Variants in RUFY2 observed in about 807,000 individuals in gnomAD.
RUFY2 encodes the protein RUN and FYVE domain containing 2, also known as RUN and FYVE domain-containing protein 2.
RUFY2 carries 49 observed loss-of-function variants against 94.4 expected under a neutral mutation model. The observed-to-expected ratio is 0.52, with a 90% CI of 0.41 to 0.66. The LOEUF is 0.66. Ranked by LOEUF, RUFY2 falls within the 30% of genes least tolerant of loss-of-function variation. The pLI is 0.00. For missense variants in RUFY2, 541 were observed against 692.8 expected (o/e 0.78, Z 2.46); for synonymous variants, 255 against 235.7 (o/e 1.08, Z -0.75).
chr10:68,375,610 T>C (rs1336801005), intron 13 of RUFY2, among the ~76,000 whole-genome samples: 1 of 151,264 alleles, frequency 6.6e-6, no homozygotes, highest in Non-Finnish European at 1.5e-5. Flanking sequence ...CCATCTCTAC[T>C]AAAAATACAA....
chr10:68,396,709 T>C, intron 4 of RUFY2, 71 bp downstream of exon 4: 2 of 987,242 alleles, frequency 2.0e-6, no homozygotes, highest in Non-Finnish European at 3.1e-6. Flanking sequence ...ATATTACATC[T>C]TAAATCCTTT....
At chr10:68,381,807 C>T (rs985728667) in intron 10 of RUFY2, among the ~76,000 whole-genome samples, 1 of 152,200 alleles carries the variant, frequency 6.6e-6, no homozygotes, top group African/African-American at 2.4e-5. Context: ...GAAATCACAC[C>T]ACTGCACTCC....
downstream of RUFY2, chr10:68,343,384 A>ATATT (rs535935967): frequency 5.5e-4 from 84 of 152,662 alleles, no homozygotes; most frequent in African/African-American, 1.9e-3. Context: ...AGCAATTTAA[A>ATATT]TATTAGGGCA....
At chr10:68,377,545 T>C in intron 12 of RUFY2, 4 of 985,452 alleles carry the variant, frequency 4.1e-6, no homozygotes, top group Non-Finnish European at 4.8e-6. Context: ...TGTGCATATA[T>C]GTTTAAGATT....
chr10:68,377,010 C>T, intron 12 of RUFY2, 38 bp from the exon 13 acceptor site: 2 of 1,611,698 alleles, frequency 1.2e-6, no homozygotes, highest in Non-Finnish European at 1.7e-6. Flanking sequence ...AAAACTGAGG[C>T]TAGAACTAGG....
intron 12 of RUFY2, chr10:68,378,653 G>A: frequency 6.2e-7 from 1 of 1,611,534 alleles, no homozygotes; most frequent in Non-Finnish European, 8.5e-7. Context: ...CCTAGTTTGA[G>A]TTAACAAATC....
At chr10:68,347,852 A>C (rs534676279) in intron 16 of RUFY2, among the ~76,000 whole-genome samples, 224 of 152,258 alleles carry the variant, frequency 1.5e-3, no homozygotes, top group Non-Finnish European at 2.5e-3. Context: ...TTTATTACCT[A>C]ATGAGAGAAA....
chr10:68,377,983 T>A, intron 12 of RUFY2: 1 of 985,322 alleles, frequency 1.0e-6, no homozygotes, highest in Non-Finnish European at 1.2e-6. Flanking sequence ...AATATTCAGG[T>A]GCTGGGATTG....
At chr10:68,390,453 T>G (rs1396819898) in intron 7 of RUFY2, among the ~76,000 whole-genome samples, 1 of 152,168 alleles carries the variant, frequency 6.6e-6, no homozygotes, top group Non-Finnish European at 1.5e-5. Context: ...TCTAATTACA[T>G]AGCAAATATT....
At chr10:68,396,076 G>A (rs2050369856) in intron 4 of RUFY2, among the ~76,000 whole-genome samples, 1 of 152,196 alleles carries the variant, frequency 6.6e-6, no homozygotes, top group South Asian at 2.1e-4. Flanking sequence ...TCAGGTCACT[G>A]CAACCTCCCT....
downstream of RUFY2, chr10:68,341,163 C>G (rs1257733828): frequency 6.5e-7 from 1 of 1,529,902 alleles, no homozygotes; most frequent in Non-Finnish European, 8.8e-7. Flanking sequence ...TAAGTGTTTC[C>G]TTTTATTTAG....
chr10:68,372,583 TA>T (rs770098226), intron 13 of RUFY2, among the ~76,000 whole-genome samples: 10,752 of 96,374 alleles, frequency 0.11, 576 homozygotes, highest in South Asian at 0.24. Context: ...CCTCTCTCTT[TA>T]AAAAAAAAAA....
At chr10:68,378,172 G>A (rs2048792943) in intron 12 of RUFY2, 2 of 989,106 alleles carry the variant, frequency 2.0e-6, no homozygotes, top group Non-Finnish European at 2.4e-6. Context: ...AAATCTGTAA[G>A]GGAGCCATTG....
Position 68,393,223 on chromosome 10 carries a change from G to A in RUFY2, c.585-20C>T. On this transcript the variant is annotated intron_variant, in intron 6 of 17. Coordinates refer to ENST00000602465, the MANE Select transcript of RUFY2 (RefSeq NM_001330103.2). ...ACATTCCTAAATGAGGAAAAAAGTAGCTTTGTGCTAGTTGAAAAGGTATTT... is the reference window on the plus strand; with the variant it reads ...ACATTCCTAAATGAGGAAAAAAGTAACTTTGTGCTAGTTGAAAAGGTATTT... The A allele has an allele frequency of 7.0e-7, 1 of 1,419,986 alleles. No homozygotes were observed. The highest frequency in any genetic ancestry group is 9.7e-7 in the Non-Finnish European group (1 of 1,030,246). The allele number at this position is 1,419,986 out of a possible 1,614,324, so 88.0% of individuals were successfully genotyped here. A position where few individuals can be genotyped will look rare whatever the true frequency, so the allele number is the denominator to read the frequency against.
Position 68,384,130 on chromosome 10 carries a change from A to T in RUFY2, c.743T>A (p.Ile248Asn), listed in dbSNP as rs1436515644. The T allele has an allele frequency of 6.2e-7, 1 of 1,610,018 alleles. No homozygotes were observed. Among genetic ancestry groups the T allele is most frequent in the Non-Finnish European group, 8.5e-7 (1 of 1,179,614 alleles). ...ATGATTTTCTTCCTGGAGTTTAATGATGTTATTCTTTGCTATTGCTAACTA... is the reference window on the plus strand; with the variant it reads ...ATGATTTTCTTCCTGGAGTTTAATGTTGTTATTCTTTGCTATTGCTAACTA... ...IEELAIAKNN[I>N]IKLQEENHQL... is the part of the protein sequence containing the mutation. Residue 248 changes from isoleucine to asparagine, a missense_variant, in exon 9 of 18, where the codon ATC (isoleucine) becomes AAC (asparagine). Around this residue, in one of 3 missense-constraint regions of RUFY2, gnomAD observed 403 missense variants for 480.7 expected, o/e 0.84. Coordinates refer to ENST00000602465, the MANE Select transcript of RUFY2 (RefSeq NM_001330103.2).
intron 13 of RUFY2, among the ~76,000 whole-genome samples, chr10:68,373,463 T>C (rs545858875): frequency 6.6e-6 from 1 of 152,294 alleles, no homozygotes; most frequent in African/African-American, 2.4e-5. Flanking sequence ...GTTGGAAGAA[T>C]TGATTTTAAA....
intron 5 of RUFY2, 66 bp from the exon 6 acceptor site, chr10:68,394,202 G>T: frequency 1.3e-6 from 2 of 1,525,514 alleles, no homozygotes; most frequent in South Asian, 1.3e-5. Flanking sequence ...TACCTTTACT[G>T]AATGTTACTC....
At chr10:68,364,488 T>G (rs893999461) in intron 13 of RUFY2, among the ~76,000 whole-genome samples, 2 of 152,232 alleles carry the variant, frequency 1.3e-5, no homozygotes, top group African/African-American at 4.8e-5. Flanking sequence ...TGTCTTACAC[T>G]TCTATGCCAT....
intron 15 of RUFY2, 22 bp downstream of exon 15, chr10:68,363,568 G>A (rs1564796507): frequency 6.7e-7 from 1 of 1,494,600 alleles, no homozygotes; most frequent in Non-Finnish European, 9.2e-7. Context: ...TGACTACTTA[G>A]TTGAAGGAAA....
Sources: allele counts gnomAD v4.1 joint callset (sites outside exome capture counted in the v4.1 genomes callset), GRCh38; gene constraint gnomAD v4.1.1; regional missense constraint gnomAD v4.1.1; transcripts MANE v1.5; gene names NCBI Gene and HGNC (gene_info 2026-07-23, HGNC 2026-07-21).